WEE2: variants seen among roughly 807,000 people sequenced by gnomAD.
The protein encoded by WEE2 is WEE2 oocyte meiosis inhibiting kinase, also known as wee1-like protein kinase 2.
In WEE2, 50 loss-of-function variants were observed where a neutral mutation model predicts 60.1. That is an observed-to-expected ratio of 0.83 (90% CI 0.66 to 1.05). WEE2 has a LOEUF of 1.05. WEE2 is among the 50% of genes least tolerant of loss of function. WEE2 has a pLI of 0.00. For synonymous variants in WEE2, 240 were observed against 241.0 expected (o/e 1.00, Z 0.04); for missense variants, 631 against 684.3 (o/e 0.92, Z 0.87).
rs1408757153 is a variant in WEE2 at position 141,714,265 on chromosome 7, T to C, written c.399T>C (p.Pro133=). Residue 133 remains proline, a synonymous_variant, in exon 2 of 12, where the codon CCT becomes CCC. Transcript: ENST00000397541. ...SPTGKLPSRG[P]KHLKLTPAPL... is the part of the protein sequence containing the mutation. ...CAGGGAAGCTTCCTTCCAGAGGCCC[T>C]AAGCATTTGAAGCTCACACCTGCTC... is the stretch of plus-strand genomic sequence containing the variant. 4 of 1,613,878 alleles carry C rather than the reference T, an allele frequency of 2.5e-6. No homozygotes were observed. The South Asian group carries it at 3.3e-5, about 13-fold the overall frequency.
At chr7:141,719,309 T>A in intron 4 of WEE2, 65 bp downstream of exon 4, 1 of 1,422,072 alleles carries the variant, frequency 7.0e-7, no homozygotes, top group Non-Finnish European at 9.5e-7. Flanking sequence ...CTTGTCAAAT[T>A]ATTTTAAATT....
Position 141,708,467 on chromosome 7 carries a change from T to C in WEE2, c.-292T>C, listed in dbSNP as rs1798655099. 1 of 394,174 alleles carries C rather than the reference T, an allele frequency of 2.5e-6. No homozygotes were observed. Among genetic ancestry groups the C allele is most frequent in the Non-Finnish European group, 4.5e-6 (1 of 220,176 alleles). The allele number at this position is 394,174 out of a possible 1,614,324, so 24.4% of individuals were successfully genotyped here. Reference sequence around the variant, plus strand: ...GTATTTGGTAACACATGGGAGACTATGTGTCATATCCAGAAGAGTTCTGTA... The same window carrying C: ...GTATTTGGTAACACATGGGAGACTACGTGTCATATCCAGAAGAGTTCTGTA... On this transcript the variant is annotated 5_prime_UTR_variant, in exon 1 of 12. An upstream start codon of the reference 5' UTR is lost. Transcript: ENST00000397541.
Position 141,723,191 on chromosome 7 carries a change from A to C in WEE2, c.938A>C (p.Glu313Ala). The stretch of plus-strand genomic sequence containing the variant: ...ACTAAGTCTGGCAATCATTTTGAAG[A>C]GCCAAAACTCAAGGACATCCTTCTA... ...ENTKSGNHFE[E>A]PKLKDILLQI... The change falls in exon 6 of 12, where the codon GAG becomes GCG. Residue 313 changes from glutamate (E) to alanine (A), a missense_variant. Physicochemically the swap from Glu to Ala is moderately radical, Grantham distance 107. Coordinates refer to ENST00000397541, the MANE Select transcript of WEE2 (RefSeq NM_001105558.1). 6.2e-7 allele frequency: 1 copy of C among 1,614,200 alleles called. No homozygotes were observed. Among genetic ancestry groups the C allele is most frequent in the Non-Finnish European group, 8.5e-7 (1 of 1,180,024 alleles).
At position 141,716,231 on chromosome 7, in the gene WEE2, T is replaced by C. The variant is rs1798792903; in HGVS notation, c.549T>C (p.Ala183=). The change falls in exon 3 of 12, where the codon GCT becomes GCC. Residue 183 remains alanine, a synonymous_variant. Coordinates refer to ENST00000397541, the MANE Select transcript of WEE2 (RefSeq NM_001105558.1). The part of the protein sequence containing the change: ...KRKIRGDLEE[A]GPEEGKGGLP... ...TTTTTTCTTTTTTAAGTGAGGAAGCTGGTCCAGAGGAAGGCAAGGGAGGGC... is the reference window on the plus strand; with the variant it reads ...TTTTTTCTTTTTTAAGTGAGGAAGCCGGTCCAGAGGAAGGCAAGGGAGGGC... 2 of 1,612,274 alleles carry C rather than the reference T, an allele frequency of 1.2e-6. No homozygotes were observed. Among genetic ancestry groups the C allele is most frequent in the Admixed American group, 3.3e-5 (2 of 59,898 alleles).
rs763696160 is a variant in WEE2, at chr7:141,729,617, C to G, written c.1622C>G (p.Ser541Ter). The G allele has an allele frequency of 6.2e-7, 1 of 1,614,074 alleles. No individual in the cohort carries two copies. The highest frequency in any genetic ancestry group is 1.1e-5 in the South Asian group (1 of 91,060). The change falls in exon 11 of 12, where the codon TCA (serine) becomes TGA (stop). Residue 541 changes from serine (S) to a stop codon, truncating the protein, a stop_gained. Transcript: ENST00000397541. LOFTEE classifies it high-confidence loss of function. The part of the protein sequence containing the change: ...DTGVSGTHTG[S>*]RSTKRLVGGK... ...GGGGTCTCTGGGACCCACACAGGATCAAGAAGCACAAAACGCCTGGTGGGA... is the reference window on the plus strand; with the variant it reads ...GGGGTCTCTGGGACCCACACAGGATGAAGAAGCACAAAACGCCTGGTGGGA...
chr7:141,727,714 A>G (rs2117125891), intron 10 of WEE2: 1 of 398,812 alleles, frequency 2.5e-6, no homozygotes, highest in South Asian at 5.9e-5. Flanking sequence ...ATACCAGTAA[A>G]GAAAACTTAG....
intron 4 of WEE2, among the ~76,000 whole-genome samples, chr7:141,720,091 T>C (rs1798880732): frequency 6.7e-6 from 1 of 150,268 alleles, no homozygotes; most frequent in African/African-American, 2.4e-5. Flanking sequence ...AGGATATACT[T>C]AACATGCAGA....
chr7:141,720,141 CTTTTTTTTTTTTTTTTTTTTT>C (rs571238574), intron 4 of WEE2, among the ~76,000 whole-genome samples: 2 of 64,178 alleles, frequency 3.1e-5, no homozygotes, highest in South Asian at 9.0e-4. Context: ...TAGAATTCCT[CTTTTTTTTTTTTTTTTTTTTT>C]TTTTTTTTTT....
Position 141,708,735 on chromosome 7 carries a change from G to A in WEE2, c.-24G>A. The A allele has an allele frequency of 6.3e-7, 1 of 1,588,826 alleles. No homozygotes were observed. Among genetic ancestry groups the A allele is most frequent in the Non-Finnish European group, 8.6e-7 (1 of 1,162,070 alleles). ...TCCCTTCTGATAGAGCTTTTTGTCTGTGTTGTAAAGCTCTTTGGCTGAGAT... is the reference window on the plus strand; with the variant it reads ...TCCCTTCTGATAGAGCTTTTTGTCTATGTTGTAAAGCTCTTTGGCTGAGAT... On this transcript the variant is annotated 5_prime_UTR_variant, in exon 1 of 12. It adds an upstream start codon to the 5' untranslated region. Transcript: ENST00000397541.
In WEE2 at chr7:141,724,195, C is replaced by T. The variant is rs764567068; in HGVS notation, c.1141C>T (p.Leu381=). The T allele has an allele frequency of 1.0e-5, 16 of 1,607,916 alleles. No homozygotes were observed. In the African/African-American group the frequency reaches 2.0e-4, roughly 20 times the overall value. ...TTCCTTTTTCTTTTTTTTAGGTGAC[C>T]TGGGCCACGCAACATCAATAAACAA... ...SANVMYKIGD[L]GHATSINKPK... The change falls in exon 8 of 12, where the codon CTG becomes TTG. Residue 381 remains leucine, a synonymous_variant. Coordinates refer to ENST00000397541, the MANE Select transcript of WEE2 (RefSeq NM_001105558.1).
chr7:141,716,372 TC>T (rs1392616518), intron 3 of WEE2, 105 bp downstream of exon 3: 1 of 1,064,782 alleles, frequency 9.4e-7, no homozygotes, highest in Middle Eastern at 2.2e-4. Flanking sequence ...CCTCCCTTCT[TC>T]CCTACCCTCC....
intron 3 of WEE2, among the ~76,000 whole-genome samples, chr7:141,717,602 G>C (rs1185378984): frequency 6.6e-6 from 1 of 152,154 alleles, no homozygotes; most frequent in African/African-American, 2.4e-5. Flanking sequence ...GAAGCTATGA[G>C]ATATATGTAT....
chr7:141,708,591 G>A lies in WEE2; in HGVS notation c.-168G>A. 1 of 623,216 alleles carries A rather than the reference G, an allele frequency of 1.6e-6. No individual in the cohort carries two copies. Among genetic ancestry groups the A allele is most frequent in the African/African-American group, 1.8e-5 (1 of 54,492 alleles). 38.6% of individuals were successfully genotyped at this position (623,216 alleles called of 1,614,324 possible). A position where few individuals can be genotyped will look rare whatever the true frequency, so the allele number is the denominator to read the frequency against. Reference sequence around the variant, plus strand: ...GGTCTTATAGATTGGTGGTACTTAAGGCAGAAAATTAACACCGTGTTTTGT... The same window carrying A: ...GGTCTTATAGATTGGTGGTACTTAAAGCAGAAAATTAACACCGTGTTTTGT... On this transcript the variant is annotated 5_prime_UTR_variant, in exon 1 of 12. Coordinates refer to ENST00000397541, the MANE Select transcript of WEE2 (RefSeq NM_001105558.1).
chr7:141,713,017 A>G (rs1798733706), intron 1 of WEE2, among the ~76,000 whole-genome samples: 1 of 152,186 alleles, frequency 6.6e-6, no homozygotes, highest in African/African-American at 2.4e-5. Flanking sequence ...GGATTCTTCA[A>G]GCAGCCCTAT....
At chr7:141,728,981 C>A (rs1299536036) in intron 10 of WEE2, among the ~76,000 whole-genome samples, 1 of 152,206 alleles carries the variant, frequency 6.6e-6, no homozygotes, top group Non-Finnish European at 1.5e-5. Context: ...AAATCAGTCC[C>A]TGGTTCCAAA....
At chr7:141,709,280 A>G (rs1057050316) in intron 1 of WEE2, among the ~76,000 whole-genome samples, 180 bp downstream of exon 1, 1 of 152,230 alleles carries the variant, frequency 6.6e-6, no homozygotes, top group African/African-American at 2.4e-5. Flanking sequence ...ACAGAATTAA[A>G]TGGTTTGCCA....
chr7:141,723,927 C>A lies in WEE2; in HGVS notation c.1028-14C>A. On this transcript the variant is annotated splice_polypyrimidine_tract_variant and intron_variant, in intron 6 of 11. Transcript: ENST00000397541. ...AAGTCATTACTTACATCTATCCTGT[C>A]ATTTTTTTTTCAGGTAATATATTCA... 6.5e-7 allele frequency: 1 copy of A among 1,533,092 alleles called. No homozygotes were observed. The highest frequency in any genetic ancestry group is 9.0e-7 in the Non-Finnish European group (1 of 1,114,458). The allele number at this position is 1,533,092 out of a possible 1,614,324, so 95.0% of individuals were successfully genotyped here. A position where few individuals can be genotyped will look rare whatever the true frequency, so the allele number is the denominator to read the frequency against.
At position 141,718,307 on chromosome 7, in the gene WEE2, G is replaced by A. The variant is rs189610377; in HGVS notation, c.586-765G>A. On this transcript the variant is annotated intron_variant, in intron 3 of 11. Coordinates refer to ENST00000397541, the MANE Select transcript of WEE2 (RefSeq NM_001105558.1). ...ATTTTTGGTCATAATAGTTTAATGA[G>A]AATTTACTATGTACTTGACACTATC... is the stretch of plus-strand genomic sequence containing the variant. Among the ~76,000 whole-genome samples, 21 of 152,148 alleles carry A rather than the reference G, an allele frequency of 1.4e-4. 1 individual carries two copies. The highest frequency in any genetic ancestry group is 9.7e-4 in the East Asian group (5 of 5,180).
intron 5 of WEE2, among the ~76,000 whole-genome samples, chr7:141,721,836 T>C (rs1798917602): frequency 6.6e-6 from 1 of 152,188 alleles, no homozygotes; most frequent in East Asian, 1.9e-4. Context: ...ACGTCATATA[T>C]AGTGTATAAA....
Sources: allele counts gnomAD v4.1 joint callset (sites outside exome capture counted in the v4.1 genomes callset), GRCh38; gene constraint gnomAD v4.1.1; transcripts MANE v1.5; gene names NCBI Gene and HGNC (gene_info 2026-07-23, HGNC 2026-07-21).